TBC1D31: variants seen among roughly 807,000 people sequenced by gnomAD.
The protein encoded by TBC1D31 is TBC1 domain family member 31.
In TBC1D31, 99 loss-of-function variants were observed where a neutral mutation model predicts 132.9. The ratio of observed to expected loss-of-function variants is 0.74; its 90% confidence interval spans 0.63 to 0.88. The LOEUF (loss-of-function observed/expected upper bound fraction) is 0.88, where lower values mean the gene tolerates loss of function less well. Among genes scored for constraint, TBC1D31 ranks in the 40% least tolerant of loss-of-function variants. The pLI is 0.00. For missense variants in TBC1D31, 1,134 were observed against 1,256.6 expected (o/e 0.90, Z 1.48); for synonymous variants, 385 against 419.4 (o/e 0.92, Z 1.00).
At chr8:123,156,267 T>TC (rs1255511707), downstream of TBC1D31, among the ~76,000 whole-genome samples, 2 of 151,922 alleles carry the variant, frequency 1.3e-5, no homozygotes, top group Admixed American at 6.6e-5. Flanking sequence ...GTAGTGAAAC[T>TC]CCGTCTCTAC....
intron 4 of TBC1D31, among the ~76,000 whole-genome samples, chr8:123,091,353 C>T (rs1352802590): frequency 6.6e-6 from 1 of 152,120 alleles, no homozygotes; most frequent in Non-Finnish European, 1.5e-5. Flanking sequence ...AACTTTATTA[C>T]TTTTCCAGAA....
intron 7 of TBC1D31, 40 bp downstream of exon 7, chr8:123,101,047 CACTT>C (rs1379341413): frequency 7.4e-7 from 1 of 1,349,414 alleles, no homozygotes; most frequent in African/African-American, 1.4e-5. Flanking sequence ...TTTTTATAAA[CACTT>C]ATATATTATA....
chr8:123,096,297 C>T (rs76411437), intron 5 of TBC1D31, among the ~76,000 whole-genome samples: 1,939 of 152,238 alleles, frequency 0.013, 45 homozygotes, highest in African/African-American at 0.044. Flanking sequence ...CTGCTCTAGC[C>T]ACATCCGAGT....
At position 123,072,984 on chromosome 8, in the gene TBC1D31, A is replaced by G. The variant is rs1814064327; in HGVS notation, c.77+138A>G. 4 of 823,434 alleles carry G rather than the reference A, an allele frequency of 4.9e-6. No individual in the cohort carries two copies. In the East Asian group the frequency reaches 1.1e-4, roughly 22 times the overall value. 51.0% of individuals were successfully genotyped at this position (823,434 alleles called of 1,614,324 possible). A position where few individuals can be genotyped will look rare whatever the true frequency, so the allele number is the denominator to read the frequency against. On this transcript the variant is annotated intron_variant, in intron 1 of 21. Transcript: ENST00000287380. The stretch of plus-strand genomic sequence containing the variant: ...CCTGGGTTGGATGACCTGCGGTGGA[A>G]CAGATGGCTCCGGACGCCAGGGTCC...
chr8:123,116,140 A>C (rs567706328), intron 10 of TBC1D31, among the ~76,000 whole-genome samples: 1 of 152,356 alleles, frequency 6.6e-6, no homozygotes, highest in South Asian at 2.1e-4. Context: ...ACCCAGCTAC[A>C]TTCCAAAATT....
intron 1 of TBC1D31, among the ~76,000 whole-genome samples, chr8:123,075,959 T>G (rs1254504799): frequency 1.3e-5 from 2 of 152,210 alleles, no homozygotes; most frequent in African/African-American, 2.4e-5. Flanking sequence ...GTCTTTCCTG[T>G]TATGAAAATA....
At chr8:123,128,258 T>C in intron 13 of TBC1D31, 23 bp from the exon 14 acceptor site, 2 of 1,341,024 alleles carry the variant, frequency 1.5e-6, no homozygotes, top group South Asian at 1.2e-5. Context: ...AAATCTCGAT[T>C]TAAACACCAA....
intron 17 of TBC1D31, among the ~76,000 whole-genome samples, chr8:123,137,151 G>A (rs1821175966): frequency 6.6e-6 from 1 of 152,062 alleles, no homozygotes; most frequent in Non-Finnish European, 1.5e-5. Context: ...TAAACTAAAA[G>A]AAACAAGTAA....
chr8:123,082,731 C>A lies in TBC1D31; in HGVS notation c.254C>A (p.Ala85Asp), dbSNP rs749558093. ...RFNLVQRTAQACTALAFNLRR... is the reference protein window; with the variant it reads ...RFNLVQRTAQDCTALAFNLRR... ...AATCTTGTTCAGCGAACAGCACAAG[C>A]TTGCACAGCTCTGGCCTTTAATCTT... Residue 85 changes from alanine to aspartate, a missense_variant, in exon 3 of 22, where the codon GCT becomes GAT. Ala to Asp is a moderately radical substitution (Grantham distance 126). Transcript: ENST00000287380. 2.5e-6 allele frequency: 4 copies of A among 1,612,718 alleles called. No homozygotes were observed. The highest frequency in any genetic ancestry group is 1.1e-5 in the South Asian group (1 of 91,062).
intron 11 of TBC1D31, among the ~76,000 whole-genome samples, chr8:123,124,670 G>A (rs989866454): frequency 1.3e-5 from 2 of 151,872 alleles, no homozygotes; most frequent in African/African-American, 4.8e-5. Context: ...GCTCACACCT[G>A]TAATCCCAGC....
intron 8 of TBC1D31, among the ~76,000 whole-genome samples, chr8:123,109,013 T>C (rs1006106091): frequency 2.0e-5 from 3 of 152,108 alleles, no homozygotes; most frequent in Non-Finnish European, 4.4e-5. Flanking sequence ...GTGGGGATTG[T>C]GGGGATTGTA....
rs142070556 is a variant in TBC1D31 at position 123,109,522 on chromosome 8, G to A, written c.1338G>A (p.Ala446=). 351 of 1,613,854 alleles carry A rather than the reference G, an allele frequency of 2.2e-4. No homozygotes were observed. The highest frequency in any genetic ancestry group is 2.8e-4 in the Non-Finnish European group (333 of 1,179,908). The part of the protein sequence containing the change: ...SLLQLPENHT[A]FSTLIDKGTH... ...TACAACTGCCTGAAAATCATACTGC[G>A]TTTAGTACCCTCATAGATAAGGGGA... The change falls in exon 10 of 22, where the codon GCG becomes GCA. Residue 446 remains alanine, a synonymous_variant. Coordinates refer to ENST00000287380, the MANE Select transcript of TBC1D31 (RefSeq NM_145647.4).
chr8:123,101,320 A>G (rs560102554), intron 7 of TBC1D31, among the ~76,000 whole-genome samples: 3 of 152,316 alleles, frequency 2.0e-5, no homozygotes, highest in Non-Finnish European at 2.9e-5. Flanking sequence ...CTCATAGGCT[A>G]GAAACCTTGA....
At chr8:123,128,018 A>ATT (rs1820243047) in intron 13 of TBC1D31, 1 of 253,798 alleles carries the variant, frequency 3.9e-6, no homozygotes, top group Admixed American at 5.4e-5. Flanking sequence ...AGTTTGTTCC[A>ATT]TTGTTGAAGC....
At chr8:123,130,172 T>C in intron 15 of TBC1D31, 26 bp from the exon 16 acceptor site, 1 of 1,595,594 alleles carries the variant, frequency 6.3e-7, no homozygotes, top group Non-Finnish European at 8.5e-7. Context: ...CTGTATTTGT[T>C]CCACTTGATG....
chr8:123,142,496 G>GT, intron 19 of TBC1D31, 40 bp downstream of exon 19: 11 of 1,254,040 alleles, frequency 8.8e-6, no homozygotes, highest in Non-Finnish European at 1.1e-5. Context: ...ATCAAGCATT[G>GT]ATTTTTTTTT....
At chr8:123,148,286 C>T (rs17316214) in intron 20 of TBC1D31, among the ~76,000 whole-genome samples, 6,227 of 152,194 alleles carry the variant, frequency 0.041, 215 homozygotes, top group Admixed American at 0.1. Flanking sequence ...TAAAGTTTCA[C>T]GAGTGAATAT....
chr8:123,110,609 C>T (rs1055149363), intron 10 of TBC1D31, among the ~76,000 whole-genome samples: 1 of 152,102 alleles, frequency 6.6e-6, no homozygotes, highest in Admixed American at 6.5e-5. Context: ...AACTCATAGC[C>T]AATCACGTTG....
At chr8:123,122,536 G>A (rs1819598190) in intron 11 of TBC1D31, among the ~76,000 whole-genome samples, 1 of 152,244 alleles carries the variant, frequency 6.6e-6, no homozygotes, top group African/African-American at 2.4e-5. Flanking sequence ...GCTAGGGAAA[G>A]TGGGACAGAG....
Sources: allele counts gnomAD v4.1 joint callset (sites outside exome capture counted in the v4.1 genomes callset), GRCh38; gene constraint gnomAD v4.1.1; transcripts MANE v1.5; gene names NCBI Gene and HGNC (gene_info 2026-07-23, HGNC 2026-07-21).